Variants in RGL1 observed in about 807,000 individuals in gnomAD.
The protein encoded by RGL1 is ral guanine nucleotide dissociation stimulator-like 1.
RGL1 carries 24 observed loss-of-function variants against 95.2 expected under a neutral mutation model. The ratio of observed to expected loss-of-function variants is 0.25; its 90% confidence interval spans 0.18 to 0.35. The LOEUF (loss-of-function observed/expected upper bound fraction) is 0.35, where lower values mean the gene tolerates loss of function less well. Among genes scored for constraint, RGL1 ranks in the 10% least tolerant of loss-of-function variants. The probability of loss-of-function intolerance (pLI) is 1.00; values close to 1 mark genes in which losing one functional copy is unlikely to be tolerated. For missense variants in RGL1, 715 were observed against 936.3 expected, an observed-to-expected ratio of 0.76 and a Z score of 3.08; for synonymous variants, 329 against 344.9, an observed-to-expected ratio of 0.95 and a Z score of 0.51.
intron 2 of RGL1, among the ~76,000 whole-genome samples, chr1:183,743,037 G>A (rs1657408744): frequency 6.6e-6 from 1 of 152,058 alleles, no homozygotes; most frequent in Non-Finnish European, 1.5e-5. Context: ...TTGGAGACAG[G>A]ATCTTGCTCT....
At position 183,877,727 on chromosome 1, in the gene RGL1, C is replaced by T. The variant is rs997627948; in HGVS notation, c.426-2889C>T. On this transcript the variant is annotated intron_variant, in intron 4 of 17. Transcript: ENST00000360851. Reference sequence around the variant, plus strand: ...AGTATCTGAGTTTGTGGTGAACTTTCAAAGCCTTCTTAGGCTAAGCTACAG... The same window carrying T: ...AGTATCTGAGTTTGTGGTGAACTTTTAAAGCCTTCTTAGGCTAAGCTACAG... 2.0e-5 allele frequency among the ~76,000 whole-genome samples: 3 copies of T among 152,266 alleles called. No homozygotes were observed. The South Asian group carries it at 6.2e-4, about 32-fold the overall frequency.
At chr1:183,664,103 A>G (rs1247657797) in intron 1 of RGL1, among the ~76,000 whole-genome samples, 1 of 150,844 alleles carries the variant, frequency 6.6e-6, no homozygotes, top group Non-Finnish European at 1.5e-5. Flanking sequence ...TAGGAGATAT[A>G]CCTAATGCTA....
rs187995422 is a variant in RGL1 at position 183,896,388 on chromosome 1, T to C, written c.1141-1420T>C. ...ATTCATCCCTGTGAAAAACTATGAA[T>C]GGGAGATCATTAAATAGTGGCTCTC... On this transcript the variant is annotated intron_variant, in intron 9 of 17. Coordinates refer to ENST00000360851, the MANE Select transcript of RGL1 (RefSeq NM_001297671.3). Among the ~76,000 whole-genome samples the C allele has an allele frequency of 5.9e-5, 9 of 152,322 alleles. No individual in the cohort carries two copies. In the East Asian group the frequency reaches 1.4e-3, roughly 23 times the overall value.
rs1182285696 is a variant in RGL1 at position 183,888,525 on chromosome 1, C to T, written c.1003C>T (p.Leu335=). ...CTCCTTGAGGGCCATCGTTTCGGCACTGCAGTCTAATTCCATCTATCGGTT... is the reference window on the plus strand; with the variant it reads ...CTCCTTGAGGGCCATCGTTTCGGCATTGCAGTCTAATTCCATCTATCGGTT... The part of the protein sequence containing the change: ...FSSLRAIVSA[L]QSNSIYRLKK... Residue 335 remains leucine (L), a synonymous_variant, in exon 8 of 18, where the codon CTG becomes TTG. Transcript: ENST00000360851. The T allele has an allele frequency of 1.2e-6, 2 of 1,613,344 alleles. No individual in the cohort carries two copies. Among genetic ancestry groups the T allele is most frequent in the African/African-American group, 2.7e-5 (2 of 74,878 alleles).
At chr1:183,861,427 A>C (rs1406137979) in intron 3 of RGL1, among the ~76,000 whole-genome samples, 3 of 152,242 alleles carry the variant, frequency 2.0e-5, no homozygotes, top group East Asian at 3.8e-4. Flanking sequence ...TCACCTTACC[A>C]GATAGGCTAC....
intron 5 of RGL1, among the ~76,000 whole-genome samples, chr1:183,881,472 T>C (rs2102640333): frequency 6.6e-6 from 1 of 152,308 alleles, no homozygotes; most frequent in South Asian, 2.1e-4. Context: ...GGTTATGAGG[T>C]GCTTGGAACT....
chr1:183,858,832 A>C (rs1665328779), intron 3 of RGL1, among the ~76,000 whole-genome samples: 1 of 152,184 alleles, frequency 6.6e-6, no homozygotes, highest in Admixed American at 6.5e-5. Flanking sequence ...GAGTTTTTGT[A>C]AGCTATAGGC....
chr1:183,703,247 G>C (rs1260254553), intron 1 of RGL1, among the ~76,000 whole-genome samples: 1 of 152,198 alleles, frequency 6.6e-6, no homozygotes, highest in South Asian at 2.1e-4. Context: ...GTGACATAGG[G>C]GGTGGTGTGG....
At chr1:183,853,244 A>G (rs1203556600) in intron 3 of RGL1, among the ~76,000 whole-genome samples, 1 of 152,096 alleles carries the variant, frequency 6.6e-6, no homozygotes, top group Non-Finnish European at 1.5e-5. Flanking sequence ...CAGGAGGATA[A>G]CTTGAGCCTG....
At chr1:183,758,157 A>G (rs1658454992) in intron 2 of RGL1, among the ~76,000 whole-genome samples, 2 of 151,914 alleles carry the variant, frequency 1.3e-5, no homozygotes, top group Non-Finnish European at 2.9e-5. Flanking sequence ...TTGGACTGCC[A>G]CAATGAAATA....
At chr1:183,737,199 C>G (rs1656994652) in intron 1 of RGL1, among the ~76,000 whole-genome samples, 1 of 152,166 alleles carries the variant, frequency 6.6e-6, no homozygotes, top group African/African-American at 2.4e-5. Context: ...ATAGCAAGAA[C>G]AGACACTAAT....
At chr1:183,705,438 G>T (rs1654853115) in intron 1 of RGL1, among the ~76,000 whole-genome samples, 1 of 151,854 alleles carries the variant, frequency 6.6e-6, no homozygotes, top group African/African-American at 2.4e-5. Context: ...CATAGGTGTA[G>T]ATCATCAACA....
At chr1:183,878,190 A>ATCTG (rs1666626792) in intron 4 of RGL1, among the ~76,000 whole-genome samples, 1 of 147,940 alleles carries the variant, frequency 6.8e-6, no homozygotes, top group African/African-American at 2.5e-5. Flanking sequence ...CTATCTATCT[A>ATCTG]TCTATCTGTC....
intron 1 of RGL1, among the ~76,000 whole-genome samples, chr1:183,706,914 T>C (rs1481012301): frequency 6.6e-6 from 1 of 152,238 alleles, no homozygotes; most frequent in Non-Finnish European, 1.5e-5. Flanking sequence ...ACTGAAGGTT[T>C]AAGATAGTGG....
chr1:183,823,836 C>G (rs1216796394), intron 2 of RGL1, among the ~76,000 whole-genome samples: 1 of 152,150 alleles, frequency 6.6e-6, no homozygotes, highest in Non-Finnish European at 1.5e-5. Context: ...GTCACACAAG[C>G]TGGAGTGCAG....
intron 2 of RGL1, among the ~76,000 whole-genome samples, chr1:183,797,712 A>G (rs1280232982): frequency 6.6e-6 from 1 of 152,180 alleles, no homozygotes; most frequent in East Asian, 1.9e-4. Flanking sequence ...ACCCTTTGCA[A>G]AGGAAGGTTG....
chr1:183,857,227 G>A (rs1385308974), intron 3 of RGL1, among the ~76,000 whole-genome samples: 1 of 152,154 alleles, frequency 6.6e-6, no homozygotes, highest in Non-Finnish European at 1.5e-5. Context: ...GAGGAAGGGG[G>A]CCTTGAGCCA....
intron 8 of RGL1, among the ~76,000 whole-genome samples, chr1:183,889,718 G>A (rs566176804): frequency 6.6e-6 from 1 of 152,152 alleles, no homozygotes; most frequent in East Asian, 1.9e-4. Context: ...ATTCTTTGAT[G>A]GGTAAAAAGA....
At chr1:183,850,270 ATTAG>A (rs1288333991) in intron 3 of RGL1, among the ~76,000 whole-genome samples, 1 of 152,098 alleles carries the variant, frequency 6.6e-6, no homozygotes, top group Non-Finnish European at 1.5e-5. Flanking sequence ...TATTAAGGGA[ATTAG>A]TTTGTTGCTT....
Sources: allele counts gnomAD v4.1 joint callset (sites outside exome capture counted in the v4.1 genomes callset), GRCh38; gene constraint gnomAD v4.1.1; transcripts MANE v1.5; gene names NCBI Gene and HGNC (gene_info 2026-07-23, HGNC 2026-07-21).